Variants in ACYP2 observed in about 807,000 individuals in gnomAD.
The protein encoded by ACYP2 is acylphosphatase-2.
Under a neutral mutation model 11.2 loss-of-function variants are expected in ACYP2, and 12 were observed. The ratio of observed to expected loss-of-function variants is 1.08; its 90% confidence interval spans 0.69 to 1.74. The LOEUF is 1.74. Ranked by LOEUF, ACYP2 falls within the 40% of genes most tolerant of loss-of-function variation. The probability of loss-of-function intolerance (pLI) is 0.00; values close to 1 mark genes in which losing one functional copy is unlikely to be tolerated. For synonymous variants in ACYP2, 43 were observed against 32.2 expected (o/e 1.33, Z -1.13); for missense variants, 134 against 101.9 (o/e 1.31, Z -1.35).
chr2:54,214,508 ATTGCTTGTTATTG>A (rs1685476716), intron 6 of ACYP2, among the ~76,000 whole-genome samples: 1 of 152,126 alleles, frequency 6.6e-6, no homozygotes, highest in African/African-American at 2.4e-5. Context: ...TCCTTTTCCC[ATTGCTTGTTATTG>A]TCAACTTTGT....
At chr2:54,165,430 C>T (rs1294590292) in intron 6 of ACYP2, among the ~76,000 whole-genome samples, 1 of 151,724 alleles carries the variant, frequency 6.6e-6, no homozygotes, top group African/African-American at 2.4e-5. Context: ...CTAGAAGGGA[C>T]CTGAGAGGTC....
intron 4 of ACYP2, among the ~76,000 whole-genome samples, chr2:54,111,002 A>G (rs1416723658): frequency 1.3e-5 from 2 of 152,050 alleles, no homozygotes; most frequent in Non-Finnish European, 2.9e-5. Flanking sequence ...ACTAGATATG[A>G]TGGGAGGGAG....
At chr2:54,080,813 A>C (rs959645004) in intron 4 of ACYP2, among the ~76,000 whole-genome samples, 1 of 151,188 alleles carries the variant, frequency 6.6e-6, no homozygotes, top group African/African-American at 2.4e-5. Flanking sequence ...TTTAATAGAG[A>C]CAAGGTCTCA....
chr2:54,060,108 T>G (rs990043903), intron 4 of ACYP2, among the ~76,000 whole-genome samples: 1 of 152,248 alleles, frequency 6.6e-6, no homozygotes, highest in Non-Finnish European at 1.5e-5. Flanking sequence ...ATTGAATTAC[T>G]TCAACTCTGG....
intron 4 of ACYP2, among the ~76,000 whole-genome samples, chr2:54,133,003 C>A (rs937042715): frequency 1.4e-4 from 21 of 152,168 alleles, no homozygotes; most frequent in Non-Finnish European, 2.9e-4. Context: ...CTTGGCCTCC[C>A]AAAGTGCTGG....
intron 4 of ACYP2, among the ~76,000 whole-genome samples, chr2:54,093,699 G>C (rs142401640): frequency 0.026 from 4,020 of 152,172 alleles, 162 homozygotes; most frequent in African/African-American, 0.088. Context: ...CCAGCACTTC[G>C]GGAGGCCGAG....
chr2:54,223,223 T>C (rs1421279111), intron 6 of ACYP2: 4 of 152,208 alleles, frequency 2.6e-5, no homozygotes, highest in Non-Finnish European at 4.4e-5. Flanking sequence ...TGGAATTTCA[T>C]TGAATTTTCA....
intron 2 of ACYP2, among the ~76,000 whole-genome samples, chr2:53,976,668 G>GT (rs1671509613): frequency 6.6e-6 from 1 of 152,164 alleles, no homozygotes; most frequent in Non-Finnish European, 1.5e-5. Context: ...GAAATGTTGA[G>GT]TTTTTTCTAG....
At chr2:54,252,925 A>G (rs1041231367) in intron 6 of ACYP2, among the ~76,000 whole-genome samples, 6 of 152,128 alleles carry the variant, frequency 3.9e-5, no homozygotes, top group Non-Finnish European at 8.8e-5. Context: ...AAATATGCCA[A>G]TGGTATAATT....
chr2:54,052,750 A>G (rs558611134), intron 3 of ACYP2, among the ~76,000 whole-genome samples: 76 of 152,326 alleles, frequency 5.0e-4, no homozygotes, highest in African/African-American at 1.3e-3. Flanking sequence ...GAGGTTTCCA[A>G]TTGAAAATGG....
chr2:54,108,740 G>A (rs1679303324), intron 4 of ACYP2, among the ~76,000 whole-genome samples: 1 of 152,094 alleles, frequency 6.6e-6, no homozygotes, highest in Non-Finnish European at 1.5e-5. Flanking sequence ...TGCCTCCTTG[G>A]TGTGTCCAAG....
chr2:54,071,497 G>A (rs982670228), intron 4 of ACYP2, among the ~76,000 whole-genome samples: 21 of 151,224 alleles, frequency 1.4e-4, no homozygotes, highest in African/African-American at 4.4e-4. Context: ...ACTGGGTCTC[G>A]CTCTGTCGCA....
intron 6 of ACYP2, among the ~76,000 whole-genome samples, chr2:54,304,369 T>G (rs1465057199): frequency 1.3e-5 from 2 of 152,084 alleles, no homozygotes; most frequent in Non-Finnish European, 2.9e-5. Flanking sequence ...AATATTTTGA[T>G]CGTTTTGAGT....
intron 4 of ACYP2, among the ~76,000 whole-genome samples, chr2:54,133,886 A>G (rs1016043672): frequency 6.6e-6 from 1 of 152,184 alleles, no homozygotes; most frequent in Non-Finnish European, 1.5e-5. Flanking sequence ...CACCCAAGGT[A>G]TGAAGTCCCA....
chr2:54,032,855 G>A (rs569634354), intron 2 of ACYP2, among the ~76,000 whole-genome samples: 12 of 152,224 alleles, frequency 7.9e-5, no homozygotes, highest in Non-Finnish European at 1.2e-4. Context: ...TTCCATGCTC[G>A]TGGATAAAAA....
chr2:54,014,120 T>C (rs1037897064), intron 2 of ACYP2, among the ~76,000 whole-genome samples: 28 of 151,586 alleles, frequency 1.8e-4, no homozygotes, highest in African/African-American at 6.5e-4. Flanking sequence ...ATCGCACTGT[T>C]GCACTCCAGC....
chr2:54,123,760 A>T (rs1680292711), intron 4 of ACYP2, among the ~76,000 whole-genome samples: 1 of 152,134 alleles, frequency 6.6e-6, no homozygotes, highest in African/African-American at 2.4e-5. Flanking sequence ...TCATACCATG[A>T]TTAGGAGAAA....
At position 53,981,828 on chromosome 2, in the gene ACYP2, T is replaced by G. The variant is rs555718155; in HGVS notation, c.62+8018T>G. 2.0e-5 allele frequency among the ~76,000 whole-genome samples: 3 copies of G among 152,308 alleles called. No individual in the cohort carries two copies. In the South Asian group the frequency reaches 6.2e-4, roughly 32 times the overall value. ...AGGTTTGTGTAAGTACACTCTGATGTTTGTACAATGATGAAATCGCCTAAC... is the reference window on the plus strand; with the variant it reads ...AGGTTTGTGTAAGTACACTCTGATGGTTGTACAATGATGAAATCGCCTAAC... On this transcript the variant is annotated intron_variant, in intron 2 of 6. Coordinates refer to ENST00000607452, the MANE Select transcript of ACYP2 (RefSeq NM_001320586.2).
At position 54,219,805 on chromosome 2, in the gene ACYP2, G is replaced by A. The variant is rs56259752; in HGVS notation, c.404+81057G>A. ...AGCTAATTTTTATGTGTGTGTGTGT[G>A]TGTGTTTGTGTATGTGTGTGTGTAT... On this transcript the variant is annotated intron_variant, in intron 6 of 6. Transcript: ENST00000607452. Among the ~76,000 whole-genome samples, 7 of 147,464 alleles carry A rather than the reference G, an allele frequency of 4.7e-5. No homozygotes were observed. In the South Asian group the frequency reaches 6.6e-4, roughly 14 times the overall value.
Sources: allele counts gnomAD v4.1 joint callset (sites outside exome capture counted in the v4.1 genomes callset), GRCh38; gene constraint gnomAD v4.1.1; transcripts MANE v1.5; gene names NCBI Gene and HGNC (gene_info 2026-07-23, HGNC 2026-07-21).